Variants in ATG10 observed in about 807,000 individuals in gnomAD.
The protein encoded by ATG10 is ubiquitin-like-conjugating enzyme ATG10.
Under a neutral mutation model 32.1 loss-of-function variants are expected in ATG10, and 30 were observed. The observed-to-expected ratio is 0.94, with a 90% CI of 0.70 to 1.27. The LOEUF is 1.27. ATG10 is among the 50% of genes most tolerant of loss of function. The probability of loss-of-function intolerance (pLI) is 0.00; values close to 1 mark genes in which losing one functional copy is unlikely to be tolerated. For synonymous variants in ATG10, 87 were observed against 91.5 expected, an observed-to-expected ratio of 0.95 and a Z score of 0.28; for missense variants, 233 against 262.3, an observed-to-expected ratio of 0.89 and a Z score of 0.77.
intron 3 of ATG10, chr5:82,073,693 A>T (rs1372724331): frequency 2.0e-5 from 3 of 152,220 alleles, no homozygotes; most frequent in Non-Finnish European, 4.4e-5. Context: ...ATGCTGTGAA[A>T]GTAAAACACA....
chr5:82,150,055 T>C (rs1010691767), intron 3 of ATG10, among the ~76,000 whole-genome samples: 1 of 152,200 alleles, frequency 6.6e-6, no homozygotes. Context: ...AATAATTATG[T>C]TGTAGCTCCT....
At chr5:82,217,220 C>T (rs1197064877) in intron 5 of ATG10, among the ~76,000 whole-genome samples, 1 of 152,164 alleles carries the variant, frequency 6.6e-6, no homozygotes, top group Non-Finnish European at 1.5e-5. Context: ...TCAGCCCAGC[C>T]TCTTACTAGC....
intron 3 of ATG10, among the ~76,000 whole-genome samples, chr5:82,125,967 T>C (rs1766260931): frequency 6.6e-6 from 1 of 151,794 alleles, no homozygotes; most frequent in Non-Finnish European, 1.5e-5. Context: ...CAGTGGTTTG[T>C]AGTTCTCCTT....
intron 5 of ATG10, among the ~76,000 whole-genome samples, chr5:82,200,857 A>G (rs939309108): frequency 6.9e-6 from 1 of 143,986 alleles, no homozygotes; most frequent in African/African-American, 2.6e-5. Context: ...AATTTATTTA[A>G]AAATACATTA....
At chr5:82,048,371 G>C (rs945145817) in intron 2 of ATG10, among the ~76,000 whole-genome samples, 1 of 149,210 alleles carries the variant, frequency 6.7e-6, no homozygotes, top group African/African-American at 2.5e-5. Context: ...TCTTCCATTT[G>C]TTTGTATCCT....
rs140982494 is a variant in ATG10, at chr5:82,218,198, T to G, written c.454-34364T>G. ...GATTTTGGCTAGACTCTGACTCTCATCTACTAGTGATAACAACAAGTTCCC... is the reference window on the plus strand; with the variant it reads ...GATTTTGGCTAGACTCTGACTCTCAGCTACTAGTGATAACAACAAGTTCCC... On this transcript the variant is annotated intron_variant, in intron 5 of 7. Coordinates refer to ENST00000282185, the MANE Select transcript of ATG10 (RefSeq NM_031482.5). Among the ~76,000 whole-genome samples, 7 of 152,248 alleles carry G rather than the reference T, an allele frequency of 4.6e-5. No individual in the cohort carries two copies. In the East Asian group the frequency reaches 1.3e-3, roughly 29 times the overall value.
rs146317868 is a variant in ATG10 at position 82,152,285 on chromosome 5, G to A, written c.217-12114G>A. On this transcript the variant is annotated intron_variant, in intron 3 of 7. Coordinates refer to ENST00000282185, the MANE Select transcript of ATG10 (RefSeq NM_031482.5). The stretch of plus-strand genomic sequence containing the variant: ...GAGTCTACTTTGAATTAAGGCTGCC[G>A]CCCCAGGACTACTGAGCATATGGGA... Among the ~76,000 whole-genome samples, 1,155 of 152,260 alleles carry A rather than the reference G, an allele frequency of 7.6e-3. 8 individuals carry two copies. The highest frequency in any genetic ancestry group is 0.024 in the Middle Eastern group (7 of 294).
chr5:82,059,730 A>G (rs1040005876), intron 3 of ATG10, among the ~76,000 whole-genome samples: 20 of 152,134 alleles, frequency 1.3e-4, no homozygotes, highest in Non-Finnish European at 2.9e-4. Context: ...ATCAGACATC[A>G]GCCCCCTTGC....
At chr5:82,211,753 A>G (rs1016720103) in intron 5 of ATG10, among the ~76,000 whole-genome samples, 1 of 152,010 alleles carries the variant, frequency 6.6e-6, no homozygotes, top group Non-Finnish European at 1.5e-5. Flanking sequence ...TCACACTCCC[A>G]TATTTCAACT....
chr5:82,203,689 G>C (rs1745168910), intron 5 of ATG10, among the ~76,000 whole-genome samples: 1 of 151,970 alleles, frequency 6.6e-6, no homozygotes, highest in Non-Finnish European at 1.5e-5. Flanking sequence ...TGACTGATAT[G>C]TTTCAATTTT....
chr5:82,109,911 G>A (rs993032201), intron 3 of ATG10, among the ~76,000 whole-genome samples: 9 of 151,500 alleles, frequency 5.9e-5, no homozygotes, highest in South Asian at 4.2e-4. Flanking sequence ...CCATTAACTC[G>A]TCATTTACAT....
chr5:82,002,313 A>G (rs1761873140), intron 2 of ATG10, among the ~76,000 whole-genome samples: 1 of 152,234 alleles, frequency 6.6e-6, no homozygotes, highest in Non-Finnish European at 1.5e-5. Flanking sequence ...CCAAAGGAAT[A>G]TAAATCATTC....
chr5:82,109,949 A>AG (rs1765564062), intron 3 of ATG10, among the ~76,000 whole-genome samples: 1 of 103,172 alleles, frequency 9.7e-6, no homozygotes. Flanking sequence ...GCTATCCCCC[A>AG]TCCCCCCACC....
chr5:82,124,301 C>CT (rs766690861), intron 3 of ATG10, among the ~76,000 whole-genome samples: 9,286 of 138,398 alleles, frequency 0.067, 582 homozygotes, highest in African/African-American at 0.16. Flanking sequence ...CTGCCCTTGG[C>CT]TTTTTTTTTT....
chr5:82,079,983 C>G (rs1453885291), intron 3 of ATG10, among the ~76,000 whole-genome samples: 1 of 152,240 alleles, frequency 6.6e-6, no homozygotes, highest in East Asian at 1.9e-4. Flanking sequence ...GTCCCACCAA[C>G]AGTGTAAAAG....
intron 5 of ATG10, among the ~76,000 whole-genome samples, chr5:82,216,781 G>A (rs1217679464): frequency 6.6e-6 from 1 of 152,140 alleles, no homozygotes; most frequent in Non-Finnish European, 1.5e-5. Flanking sequence ...AACAGGCCAG[G>A]CGCAGTGGCT....
intron 3 of ATG10, among the ~76,000 whole-genome samples, chr5:82,065,611 A>G (rs1216511566): frequency 6.6e-6 from 1 of 152,038 alleles, no homozygotes. Flanking sequence ...CTACCATATC[A>G]CTTTATCAAT....
At chr5:82,238,970 G>A (rs1271541592) in intron 5 of ATG10, among the ~76,000 whole-genome samples, 1 of 152,258 alleles carries the variant, frequency 6.6e-6, no homozygotes, top group Admixed American at 6.5e-5. Context: ...TTTTAATGTG[G>A]AAGCCAATAG....
intron 5 of ATG10, among the ~76,000 whole-genome samples, chr5:82,236,318 A>G (rs1274633148): frequency 1.3e-5 from 2 of 152,198 alleles, no homozygotes; most frequent in African/African-American, 4.8e-5. Context: ...TCCATTTTGC[A>G]TATCAAAATA....
Sources: allele counts gnomAD v4.1 joint callset (sites outside exome capture counted in the v4.1 genomes callset), GRCh38; gene constraint gnomAD v4.1.1; transcripts MANE v1.5; gene names NCBI Gene and HGNC (gene_info 2026-07-23, HGNC 2026-07-21).